CRPPA: variants seen among roughly 807,000 people sequenced by gnomAD.
CRPPA encodes CDP-L-ribitol pyrophosphorylase A, also known as D-ribitol-5-phosphate cytidylyltransferase.
CRPPA carries 43 observed loss-of-function variants against 52.0 expected under a neutral mutation model. That is an observed-to-expected ratio of 0.83 (90% CI 0.65 to 1.07). The LOEUF (loss-of-function observed/expected upper bound fraction) is 1.07, where lower values mean the gene tolerates loss of function less well. CRPPA is among the 50% of genes least tolerant of loss of function. CRPPA has a pLI of 0.00. For synonymous variants in CRPPA, 250 were observed against 203.5 expected (o/e 1.23, Z -1.94); for missense variants, 629 against 551.7 (o/e 1.14, Z -1.40).
intron 6 of CRPPA, among the ~76,000 whole-genome samples, chr7:16,274,917 G>A (rs1269477665): frequency 6.6e-6 from 1 of 151,996 alleles, no homozygotes; most frequent in Non-Finnish European, 1.5e-5. Context: ...AAAGCAAGGA[G>A]GATATCAAAG....
chr7:16,398,197 C>G (rs958383140), intron 2 of CRPPA, among the ~76,000 whole-genome samples: 1 of 152,084 alleles, frequency 6.6e-6, no homozygotes, highest in African/African-American at 2.4e-5. Context: ...CAACATGACA[C>G]GTGATCAAGA....
chr7:16,131,109 A>C (rs975261802), intron 9 of CRPPA, among the ~76,000 whole-genome samples: 1 of 152,230 alleles, frequency 6.6e-6, no homozygotes, highest in Non-Finnish European at 1.5e-5. Context: ...TTGTACTGTT[A>C]TAGCAGCCTA....
intron 8 of CRPPA, among the ~76,000 whole-genome samples, chr7:16,217,746 G>T (rs1447766017): frequency 2.1e-5 from 3 of 144,112 alleles, no homozygotes; most frequent in South Asian, 2.3e-4. Context: ...AGAGAAAAAA[G>T]AATAAAAAGA....
intron 6 of CRPPA, among the ~76,000 whole-genome samples, chr7:16,266,490 T>TG (rs1218254089): frequency 6.6e-6 from 1 of 151,746 alleles, no homozygotes; most frequent in Non-Finnish European, 1.5e-5. Flanking sequence ...TTCTTTTTTT[T>TG]TTTTTTAAGA....
At chr7:16,122,643 T>C (rs1200566916) in intron 9 of CRPPA, among the ~76,000 whole-genome samples, 7 of 152,058 alleles carry the variant, frequency 4.6e-5, no homozygotes, top group Non-Finnish European at 8.8e-5. Context: ...AAATAAGTCA[T>C]CATGGCAGGG....
intron 9 of CRPPA, among the ~76,000 whole-genome samples, chr7:16,208,355 A>C (rs1466931107): frequency 1.3e-5 from 2 of 152,160 alleles, no homozygotes; most frequent in East Asian, 1.9e-4. Flanking sequence ...TTACATACTT[A>C]ACACTACTTT....
At chr7:16,163,934 T>C (rs542558899) in intron 9 of CRPPA, among the ~76,000 whole-genome samples, 23 of 152,280 alleles carry the variant, frequency 1.5e-4, no homozygotes, top group Admixed American at 1.4e-3. Context: ...CCTTTCTCTC[T>C]GGCTTAGCAT....
rs566779856 is a variant in CRPPA, at chr7:16,276,808, A to G, written c.933+1321T>C. 2.0e-5 allele frequency: 3 copies of G among 152,332 alleles called. No homozygotes were observed. The South Asian group carries it at 6.2e-4, about 32-fold the overall frequency. The allele number at this position is 152,332 out of a possible 1,614,324, so 9.4% of individuals were successfully genotyped here. A position where few individuals can be genotyped will look rare whatever the true frequency, so the allele number is the denominator to read the frequency against. On this transcript the variant is annotated intron_variant, in intron 6 of 9. Coordinates refer to ENST00000407010, the MANE Select transcript of CRPPA (RefSeq NM_001101426.4). ...GAATGTAAGAATATATACAGTAAGA[A>G]AGTTCACTGTCATCTTTCAGCTATA...
rs1174201905 is a variant in CRPPA at position 16,342,806 on chromosome 7, G to T, written c.684+33286C>A. 3.0e-3 allele frequency among the ~76,000 whole-genome samples: 302 copies of T among 101,786 alleles called. 8 individuals are homozygous for T. The highest frequency in any genetic ancestry group is 0.019 in the Middle Eastern group (3 of 160). 66.8% of individuals were successfully genotyped at this position (101,786 alleles called of 152,430 possible). ...AAATATATATATATATATCTATATA[G>T]ATATATAGATATACATATATAGATA... On this transcript the variant is annotated intron_variant, in intron 3 of 9. Coordinates refer to ENST00000407010, the MANE Select transcript of CRPPA (RefSeq NM_001101426.4).
intron 9 of CRPPA, among the ~76,000 whole-genome samples, chr7:16,114,166 G>T (rs2128367845): frequency 6.6e-6 from 1 of 151,858 alleles, no homozygotes; most frequent in East Asian, 1.9e-4. Flanking sequence ...AATAGGATGT[G>T]AAACTTCTAA....
At chr7:16,402,623 T>C (rs1239199727) in intron 2 of CRPPA, among the ~76,000 whole-genome samples, 1 of 151,804 alleles carries the variant, frequency 6.6e-6, no homozygotes, top group African/African-American at 2.4e-5. Flanking sequence ...TCGTACATGA[T>C]AAGGGACAAA....
chr7:16,115,405 A>G (rs1562511176), intron 9 of CRPPA, among the ~76,000 whole-genome samples: 1 of 152,172 alleles, frequency 6.6e-6, no homozygotes, highest in South Asian at 2.1e-4. Flanking sequence ...ATATCAACAA[A>G]TGGTTTCTTT....
chr7:16,194,404 A>G (rs1451165531), intron 9 of CRPPA, among the ~76,000 whole-genome samples: 1 of 151,936 alleles, frequency 6.6e-6, no homozygotes, highest in Admixed American at 6.6e-5. Context: ...CAAGTTTCAT[A>G]CTCCCTTACT....
At chr7:16,257,634 T>C (rs1183208888) in intron 8 of CRPPA, among the ~76,000 whole-genome samples, 3 of 152,104 alleles carry the variant, frequency 2.0e-5, no homozygotes, top group Admixed American at 6.6e-5. Context: ...AAGAATTAAA[T>C]TCCCACAGTA....
chr7:16,110,817 A>C (rs1412009892), intron 9 of CRPPA, among the ~76,000 whole-genome samples: 1 of 152,178 alleles, frequency 6.6e-6, no homozygotes, highest in Non-Finnish European at 1.5e-5. Context: ...AAAGACTTAA[A>C]TACAAGACCA....
intron 6 of CRPPA, among the ~76,000 whole-genome samples, chr7:16,265,148 T>C (rs1261597851): frequency 2.6e-5 from 4 of 152,216 alleles, no homozygotes; most frequent in Admixed American, 6.5e-5. Context: ...GGCTAGGTTA[T>C]ATAAGCTACA....
At chr7:16,204,771 G>C (rs1172764647) in intron 9 of CRPPA, among the ~76,000 whole-genome samples, 2 of 152,138 alleles carry the variant, frequency 1.3e-5, no homozygotes, top group Non-Finnish European at 2.9e-5. Flanking sequence ...AAGTCATATA[G>C]AGATAGTTCC....
intron 9 of CRPPA, among the ~76,000 whole-genome samples, chr7:16,160,706 CA>C (rs1783285317): frequency 6.6e-6 from 1 of 152,248 alleles, no homozygotes; most frequent in South Asian, 2.1e-4. Context: ...TGAAGAAAGT[CA>C]GTGGTAGCTT....
intron 9 of CRPPA, among the ~76,000 whole-genome samples, chr7:16,180,335 T>C (rs10279447): frequency 6.6e-6 from 1 of 152,072 alleles, no homozygotes; most frequent in Non-Finnish European, 1.5e-5. Flanking sequence ...AAATATATAC[T>C]ACACTATATT....
Sources: gnomAD v4.1 joint callset for allele counts (sites outside exome capture counted in the v4.1 genomes callset) on GRCh38, gnomAD v4.1.1 for gene constraint, MANE v1.5 for transcripts, NCBI Gene and HGNC (gene_info 2026-07-23, HGNC 2026-07-21) for gene names.